Variants in ANO6 observed in about 807,000 individuals in gnomAD.
ANO6 encodes anoctamin-6.
A neutral mutation model predicts 117.5 loss-of-function variants in ANO6; 106 were observed. The ratio of observed to expected loss-of-function variants is 0.90; its 90% CI spans 0.77 to 1.06. The LOEUF (loss-of-function observed/expected upper bound fraction) is 1.06, where lower values mean the gene tolerates loss of function less well. ANO6 is among the 50% of genes least tolerant of loss of function. The pLI is 0.00. For synonymous variants in ANO6, 367 were observed against 385.1 expected, an observed-to-expected ratio of 0.95 and a Z score of 0.55; for missense variants, 955 against 1,121.1, an observed-to-expected ratio of 0.85 and a Z score of 2.12.
chr12:45,346,250 A>T (rs1309353640), intron 3 of ANO6, among the ~76,000 whole-genome samples: 1 of 152,196 alleles, frequency 6.6e-6, no homozygotes, highest in Non-Finnish European at 1.5e-5. Flanking sequence ...AAAGCAGTAT[A>T]AACTGTTTTG....
At position 45,216,349 on chromosome 12, in the gene ANO6, C is replaced by T. The variant is rs781710371; in HGVS notation, c.28C>T (p.Leu10=). The part of the protein sequence containing the change: MKKMSRNVL[L]QMEEEEDDDD... ...GAAAAAGATGAGCAGGAATGTTTTG[C>T]TACAAATGGAGGAGGAGGAGGACGA... Residue 10 remains leucine (L), a synonymous_variant, in exon 1 of 20, where the codon CTA becomes TTA. Transcript: ENST00000320560. 1.2e-6 allele frequency: 2 copies of T among 1,612,960 alleles called. No individual in the cohort carries two copies. Among genetic ancestry groups the T allele is most frequent in the South Asian group, 1.1e-5 (1 of 90,868 alleles).
intron 12 of ANO6, among the ~76,000 whole-genome samples, chr12:45,399,970 T>C (rs1325520372): frequency 6.6e-6 from 1 of 152,144 alleles, no homozygotes; most frequent in Non-Finnish European, 1.5e-5. Flanking sequence ...CAAAGAAATA[T>C]GGGAACTTAA....
chr12:45,332,310 T>TCA (rs68029687), intron 3 of ANO6, among the ~76,000 whole-genome samples: 2,378 of 63,404 alleles, frequency 0.038, 47 homozygotes, highest in African/African-American at 0.095. Context: ...TCTCTCTCTC[T>TCA]CACACACACA....
chr12:45,264,640 A>T (rs996583621), intron 1 of ANO6, among the ~76,000 whole-genome samples: 13 of 152,238 alleles, frequency 8.5e-5, no homozygotes, highest in East Asian at 5.8e-4. Context: ...ACCAATGGTT[A>T]GTTGGTGAAA....
At chr12:45,312,488 A>G (rs2137335776) in intron 2 of ANO6, among the ~76,000 whole-genome samples, 1 of 152,182 alleles carries the variant, frequency 6.6e-6, no homozygotes, top group East Asian at 1.9e-4. Flanking sequence ...TCCCTCCTGT[A>G]TTTTGAACTC....
At chr12:45,367,643 C>A in intron 8 of ANO6, 45 bp from the exon 9 acceptor site, 4 of 1,493,864 alleles carry the variant, frequency 2.7e-6, no homozygotes, top group Non-Finnish European at 3.7e-6. Flanking sequence ...TTTTATCATG[C>A]TGCTTTAAAT....
intron 1 of ANO6, among the ~76,000 whole-genome samples, chr12:45,259,789 AAAGT>A (rs1183059674): frequency 6.6e-6 from 1 of 152,264 alleles, no homozygotes; most frequent in Non-Finnish European, 1.5e-5. Context: ...TTCTGAAAAT[AAAGT>A]AAGAGATAAA....
At chr12:45,436,768 G>A (rs1241652274), downstream of ANO6, among the ~76,000 whole-genome samples, 1 of 152,152 alleles carries the variant, frequency 6.6e-6, no homozygotes, top group Non-Finnish European at 1.5e-5. Flanking sequence ...AGGAGCTAAC[G>A]ACCAGCCTGG....
At chr12:45,419,826 A>C (rs1943311676) in intron 17 of ANO6, among the ~76,000 whole-genome samples, 1 of 152,162 alleles carries the variant, frequency 6.6e-6, no homozygotes, top group Admixed American at 6.5e-5. Flanking sequence ...CATATAATTC[A>C]GAATAGCTTT....
At chr12:45,315,602 C>G (rs1416011077) in intron 2 of ANO6, among the ~76,000 whole-genome samples, 1 of 152,100 alleles carries the variant, frequency 6.6e-6, no homozygotes, top group Non-Finnish European at 1.5e-5. Flanking sequence ...TCCTCACACT[C>G]ACTTCCTCAG....
intron 17 of ANO6, among the ~76,000 whole-genome samples, chr12:45,419,548 A>G (rs1183638380): frequency 6.6e-6 from 1 of 152,204 alleles, no homozygotes; most frequent in Non-Finnish European, 1.5e-5. Context: ...AAATTTTGTA[A>G]TAGAAAAGCC....
chr12:45,362,349 A>G (rs1941577615), intron 8 of ANO6, among the ~76,000 whole-genome samples: 1 of 151,722 alleles, frequency 6.6e-6, no homozygotes, highest in Admixed American at 6.6e-5. Context: ...TTCCCTTTTC[A>G]TTTCTGATTT....
At chr12:45,405,659 C>T (rs1474937138) in intron 15 of ANO6, among the ~76,000 whole-genome samples, 3 of 152,166 alleles carry the variant, frequency 2.0e-5, no homozygotes, top group African/African-American at 7.2e-5. Context: ...CTGGTAATCC[C>T]AGCACTTTGG....
chr12:45,273,400 C>T (rs905998244), intron 1 of ANO6, among the ~76,000 whole-genome samples: 1 of 152,192 alleles, frequency 6.6e-6, no homozygotes, highest in Non-Finnish European at 1.5e-5. Context: ...TGTGATCTGA[C>T]TCCCAGAAAC....
At chr12:45,413,589 G>A (rs1943141108) in intron 16 of ANO6, among the ~76,000 whole-genome samples, 1 of 152,194 alleles carries the variant, frequency 6.6e-6, no homozygotes, top group Non-Finnish European at 1.5e-5. Flanking sequence ...GATGAGGCCC[G>A]GGGGTAAAGG....
intron 7 of ANO6, among the ~76,000 whole-genome samples, chr12:45,353,163 A>G (rs1941326154): frequency 6.6e-6 from 1 of 152,168 alleles, no homozygotes; most frequent in African/African-American, 2.4e-5. Context: ...CTCTTTTGTT[A>G]TGATAGCAGC....
At chr12:45,262,801 C>T (rs1938085470) in intron 1 of ANO6, among the ~76,000 whole-genome samples, 1 of 152,178 alleles carries the variant, frequency 6.6e-6, no homozygotes, top group South Asian at 2.1e-4. Flanking sequence ...GAATAACATT[C>T]CATCACATAA....
chr12:45,306,155 G>T (rs928108748), intron 2 of ANO6, among the ~76,000 whole-genome samples: 1 of 152,122 alleles, frequency 6.6e-6, no homozygotes, highest in Non-Finnish European at 1.5e-5. Flanking sequence ...GAAAGAGAAG[G>T]CCAAGGAATT....
Position 45,367,382 on chromosome 12 carries a change from C to G in ANO6, c.999-306C>G, listed in dbSNP as rs916052906. On this transcript the variant is annotated intron_variant, in intron 8 of 19. Coordinates refer to ENST00000320560, the MANE Select transcript of ANO6 (RefSeq NM_001025356.3). ...GTTAGTAATAACAGTTCTCTTTCTT[C>G]CTGGCCTATCCTTGTGGCCTTATTT... Among the ~76,000 whole-genome samples, 3 of 152,190 alleles carry G rather than the reference C, an allele frequency of 2.0e-5. No homozygotes were observed. The East Asian group carries it at 5.8e-4, about 29-fold the overall frequency.
Sources: gnomAD v4.1 joint callset for allele counts (sites outside exome capture counted in the v4.1 genomes callset) on GRCh38, gnomAD v4.1.1 for gene constraint, MANE v1.5 for transcripts, NCBI Gene and HGNC (gene_info 2026-07-23, HGNC 2026-07-21) for gene names.